ST14: variants seen among roughly 807,000 people sequenced by gnomAD.
ST14 encodes the protein suppressor of tumorigenicity 14 protein.
A neutral mutation model predicts 96.5 loss-of-function variants in ST14; 40 were observed. The ratio of observed to expected loss-of-function variants is 0.41; its 90% CI spans 0.32 to 0.54. The LOEUF (loss-of-function observed/expected upper bound fraction) is 0.54. ST14 is among the 20% of genes least tolerant of loss of function. The pLI, the probability that ST14 is intolerant of heterozygous loss-of-function variation, is 0.17. For synonymous variants in ST14, 506 were observed against 492.1 expected, an observed-to-expected ratio of 1.03 and a Z score of -0.37; for missense variants, 1,066 against 1,188.9, an observed-to-expected ratio of 0.90 and a Z score of 1.52.
chr11:130,183,403 G>C (rs973808825), intron 1 of ST14, among the ~76,000 whole-genome samples: 2 of 152,180 alleles, frequency 1.3e-5, no homozygotes, highest in African/African-American at 4.8e-5. Context: ...AAGTTCCAAA[G>C]ATAACATAAA....
intron 16 of ST14, 28 bp downstream of exon 16, chr11:130,200,165 C>A: frequency 1.9e-6 from 3 of 1,611,978 alleles, no homozygotes; most frequent in Non-Finnish European, 2.5e-6. Flanking sequence ...CAGCAGGGAG[C>A]CTCCTTGCTG....
At chr11:130,194,104 T>G in intron 7 of ST14, 45 bp from the exon 8 acceptor site, 8 of 1,613,764 alleles carry the variant, frequency 5.0e-6, no homozygotes, top group Non-Finnish European at 5.9e-6. Context: ...GTGAGAAGCT[T>G]GGGTTCTGTC....
In ST14 at chr11:130,194,663, G is replaced by T. The variant is rs762238809; in HGVS notation, c.1039G>T (p.Ala347Ser). ...MSSCGGRLRK[A>S]QGTFNSPYYP... ...AGGCTGTGGAGGCCGCTTACGTAAA[G>T]CCCAGGGGACATTCAACAGCCCCTA... The change falls in exon 9 of 19, where the codon GCC (alanine) becomes TCC (serine). Residue 347 changes from alanine to serine, a missense_variant. Transcript: ENST00000278742. 2.5e-5 allele frequency: 41 copies of T among 1,614,068 alleles called. No homozygotes were observed. In the South Asian group the frequency reaches 4.3e-4, roughly 17 times the overall value.
At chr11:130,192,334 G>T (rs1375343644) in intron 7 of ST14, among the ~76,000 whole-genome samples, 3 of 152,206 alleles carry the variant, frequency 2.0e-5, no homozygotes, top group Non-Finnish European at 4.4e-5. Flanking sequence ...AAGGAAATCG[G>T]CAAGCAAAAG....
chr11:130,199,014 C>T lies in ST14; in HGVS notation c.1752C>T (p.Asn584=), dbSNP rs1953400602. 6.2e-7 allele frequency: 1 copy of T among 1,614,110 alleles called. No homozygotes were observed. ...CLNGLCLSKG[N]PECDGKEDCS... ...ATGGGCTCTGCTTGAGCAAGGGCAA[C>T]CCTGAGTGTGACGGGAAGGAGGACT... The change falls in exon 15 of 19, where the codon AAC becomes AAT. Residue 584 remains asparagine (N), a synonymous_variant. Transcript: ENST00000278742.
At chr11:130,193,923 A>C (rs1953331434) in intron 7 of ST14, among the ~76,000 whole-genome samples, 1 of 152,302 alleles carries the variant, frequency 6.6e-6, no homozygotes, top group African/African-American at 2.4e-5. Flanking sequence ...TCCATCAGTG[A>C]TTGTGACAAA....
chr11:130,190,513 G>C lies in ST14; in HGVS notation c.694G>C (p.Gly232Arg). 1 of 1,609,924 alleles carries C rather than the reference G, an allele frequency of 6.2e-7. No individual in the cohort carries two copies. The highest frequency in any genetic ancestry group is 8.5e-7 in the Non-Finnish European group (1 of 1,179,844). ...GGAGCTGATGCGCTTCACCACGCCC[G>C]GCTTCCCTGACAGCCCCTACCCCGC... is the stretch of plus-strand genomic sequence containing the variant. ...GVELMRFTTPGFPDSPYPAHA... is the reference protein window; with the variant it reads ...GVELMRFTTPRFPDSPYPAHA... Residue 232 changes from glycine to arginine, a missense_variant, in exon 7 of 19, where the codon GGC (glycine) becomes CGC (arginine). By Grantham distance (125) the Gly-to-Arg change is moderately radical. Transcript: ENST00000278742.
rs757860596 is a variant in ST14 at position 130,188,294 on chromosome 11, C to T, written c.241+21C>T. On this transcript the variant is annotated intron_variant, in intron 2 of 18. Coordinates refer to ENST00000278742, the MANE Select transcript of ST14 (RefSeq NM_021978.4). This position sits in a 1 kb window ranked among gnomAD's most constrained non-coding sequence, Gnocchi z 5.4. ...GCAGTGTGAGTAAAGCTGGGGCTGG[C>T]TCCGGGGAGGACGACAAGGGGTGGC... 36 of 1,607,164 alleles carry T rather than the reference C, an allele frequency of 2.2e-5. No individual in the cohort carries two copies. Among genetic ancestry groups the T allele is most frequent in the Middle Eastern group, 1.7e-4 (1 of 6,040 alleles).
chr11:130,191,142 G>A (rs189834119), intron 7 of ST14, among the ~76,000 whole-genome samples: 5 of 152,292 alleles, frequency 3.3e-5, no homozygotes, highest in Admixed American at 3.3e-4. Flanking sequence ...CTTGAGGCCA[G>A]GAGTTTGAGA....
intron 1 of ST14, among the ~76,000 whole-genome samples, chr11:130,163,211 CA>C (rs1273861446): frequency 6.6e-6 from 1 of 152,132 alleles, no homozygotes; most frequent in Non-Finnish European, 1.5e-5. Flanking sequence ...CCTGCCCTGC[CA>C]AACACAGGGA....
intron 1 of ST14, among the ~76,000 whole-genome samples, chr11:130,161,602 T>C (rs1952999539): frequency 6.6e-6 from 1 of 152,146 alleles, no homozygotes; most frequent in South Asian, 2.1e-4. Flanking sequence ...GATCCCACAT[T>C]CAGCGGACTT....
At chr11:130,201,358 G>T (rs61596114) in intron 16 of ST14, among the ~76,000 whole-genome samples, 5,101 of 152,356 alleles carry the variant, frequency 0.033, 263 homozygotes, top group African/African-American at 0.11. Context: ...CTGGCTGCAC[G>T]CTTTTCCATG....
At chr11:130,175,036 T>C (rs1455481138) in intron 1 of ST14, among the ~76,000 whole-genome samples, 1 of 152,238 alleles carries the variant, frequency 6.6e-6, no homozygotes, top group Admixed American at 6.5e-5. Context: ...AGCATTCATG[T>C]AGGAGAACTG....
chr11:130,189,936 C>T, intron 5 of ST14, 40 bp downstream of exon 5: 1 of 1,613,426 alleles, frequency 6.2e-7, no homozygotes, highest in Non-Finnish European at 8.5e-7. Flanking sequence ...GACTGGCCAG[C>T]CTTCCATGGA....
chr11:130,195,852 CA>C (rs1306134198), intron 9 of ST14, among the ~76,000 whole-genome samples: 175 of 10,374 alleles, frequency 0.017, 1 homozygote, highest in African/African-American at 0.02. Flanking sequence ...GACTTTGTCT[CA>C]AAAAAAAAAA....
Position 130,190,481 on chromosome 11 carries a change from G to A in ST14, c.662G>A (p.Arg221His), listed in dbSNP as rs371005131. 1.2e-5 allele frequency: 20 copies of A among 1,607,604 alleles called. No homozygotes were observed. The East Asian group carries it at 2.9e-4, about 23-fold the overall frequency. ...DNSCSFGLHA[R>H]GVELMRFTTP... is the part of the protein sequence containing the mutation. Reference sequence around the variant, plus strand: ...AGCTGCAGCTTTGGCCTGCACGCCCGCGGTGTGGAGCTGATGCGCTTCACC... The same window carrying A: ...AGCTGCAGCTTTGGCCTGCACGCCCACGGTGTGGAGCTGATGCGCTTCACC... Residue 221 changes from arginine to histidine, a missense_variant, in exon 7 of 19, where the codon CGC becomes CAC. By Grantham distance (29) the Arg-to-His change is conservative (BLOSUM62 0). Coordinates refer to ENST00000278742, the MANE Select transcript of ST14 (RefSeq NM_021978.4).
At chr11:130,173,234 C>T (rs536182522) in intron 1 of ST14, among the ~76,000 whole-genome samples, 2 of 152,302 alleles carry the variant, frequency 1.3e-5, no homozygotes, top group East Asian at 3.9e-4. Flanking sequence ...TATCCATCTG[C>T]CAAAAGCCAG....
intron 9 of ST14, among the ~76,000 whole-genome samples, chr11:130,195,529 C>T (rs1272584717): frequency 6.6e-6 from 1 of 152,156 alleles, no homozygotes; most frequent in East Asian, 1.9e-4. Context: ...CACGCCATCC[C>T]AGCCAGAGCT....
In ST14 at chr11:130,176,999, C is replaced by T. The variant is rs144793919; in HGVS notation, c.82-11115C>T. 5.9e-4 allele frequency among the ~76,000 whole-genome samples: 89 copies of T among 150,800 alleles called. 2 individuals carry two copies. The East Asian group carries it at 0.013, about 23-fold the overall frequency. On this transcript the variant is annotated intron_variant, in intron 1 of 18. Transcript: ENST00000278742. ...ATTTTTAGTAGGGATGGGATTTCAC[C>T]GTGTTAGCCAAGATGATCTCGATCT...
Sources: gnomAD v4.1 joint callset for allele counts (sites outside exome capture counted in the v4.1 genomes callset) on GRCh38, gnomAD v4.1.1 for gene constraint, Gnocchi (gnomAD v3.1) non-coding constraint, MANE v1.5 for transcripts, NCBI Gene and HGNC (gene_info 2026-07-23, HGNC 2026-07-21) for gene names.